HIVEP3: variants seen among roughly 807,000 people sequenced by gnomAD.
HIVEP3 encodes transcription factor HIVEP3.
HIVEP3 carries 49 observed loss-of-function variants against 152.8 expected under a neutral mutation model. The ratio of observed to expected loss-of-function variants is 0.32; its 90% CI spans 0.26 to 0.41. HIVEP3 has a LOEUF of 0.41. Ranked by LOEUF, HIVEP3 falls within the 10% of genes least tolerant of loss-of-function variation. HIVEP3 has a pLI of 1.00. For synonymous variants in HIVEP3, 1,269 were observed against 1,289.0 expected (o/e 0.98, Z 0.33); for missense variants, 2,790 against 3,103.3 (o/e 0.90, Z 2.40).
intron 1 of HIVEP3, among the ~76,000 whole-genome samples, chr1:41,748,039 G>T (rs999756587): frequency 1.3e-5 from 2 of 152,194 alleles, no homozygotes; most frequent in South Asian, 2.1e-4. Context: ...TTGAGTTAAG[G>T]CCAGGGCAGG....
intron 5 of HIVEP3, among the ~76,000 whole-genome samples, chr1:41,571,279 G>C (rs749171171): frequency 6.6e-6 from 1 of 152,176 alleles, no homozygotes; most frequent in Non-Finnish European, 1.5e-5. Flanking sequence ...AGCTTTCCTT[G>C]CAATAAGTGA....
rs752224817 is a variant in HIVEP3 at position 41,583,101 on chromosome 1, T to C, written c.1697A>G (p.His566Arg). Residue 566 changes from histidine (H) to arginine (R), a missense_variant, in exon 4 of 9, where the codon CAT becomes CGT. Physicochemically the swap from His to Arg is conservative, Grantham distance 29 (BLOSUM62 0). This residue lies in a region of HIVEP3 where 339 missense variants were observed against 327.0 expected (regional missense o/e 1.04). Coordinates refer to ENST00000372583, the MANE Select transcript of HIVEP3 (RefSeq NM_024503.5). The surrounding 1 kb of genome is among the most constrained non-coding windows in gnomAD (Gnocchi z 6.9). ...GCTCAGGGCTTCGGAGTCGGTGATA[T>C]GGTCATCGAAGGAGTAGCTACCTCG... ...PFRGSYSFDD[H>R]ITDSEALSHS... 1.2e-6 allele frequency: 2 copies of C among 1,613,008 alleles called. No individual in the cohort carries two copies. Among genetic ancestry groups the C allele is most frequent in the Non-Finnish European group, 1.7e-6 (2 of 1,179,776 alleles).
chr1:41,686,071 GTTTTGTTTTGTTTTT>G (rs1344841187), intron 2 of HIVEP3, among the ~76,000 whole-genome samples: 1 of 150,370 alleles, frequency 6.7e-6, no homozygotes, highest in African/African-American at 2.5e-5. Context: ...GTTTTGTTTT[GTTTTGTTTTGTTTTT>G]TTTGAGATGG....
At chr1:41,676,699 G>GC (rs1460073856) in intron 2 of HIVEP3, among the ~76,000 whole-genome samples, 2 of 152,050 alleles carry the variant, frequency 1.3e-5, no homozygotes, top group East Asian at 1.9e-4. Flanking sequence ...TCAGGAAACT[G>GC]CCCCCCAACT....
At chr1:41,801,107 C>T (rs1223192616) in intron 1 of HIVEP3, among the ~76,000 whole-genome samples, 1 of 152,084 alleles carries the variant, frequency 6.6e-6, no homozygotes, top group Non-Finnish European at 1.5e-5. Context: ...GCAGTGTAAC[C>T]GTGGGCTTAT....
intron 2 of HIVEP3, among the ~76,000 whole-genome samples, chr1:41,650,816 T>C (rs895700720): frequency 5.3e-5 from 8 of 152,354 alleles, no homozygotes; most frequent in Middle Eastern, 3.4e-3. Flanking sequence ...GAATACATTC[T>C]GAATATCCTC....
intron 2 of HIVEP3, among the ~76,000 whole-genome samples, chr1:41,696,323 C>A (rs562245974): frequency 6.6e-6 from 1 of 152,372 alleles, no homozygotes; most frequent in Non-Finnish European, 1.5e-5. Flanking sequence ...CGGGGCGCAG[C>A]CTGCTGGGCC....
intron 5 of HIVEP3, among the ~76,000 whole-genome samples, chr1:41,528,082 C>T (rs676383): frequency 0.36 from 46,334 of 127,086 alleles, 9,734 homozygotes; most frequent in Non-Finnish European, 0.47. Flanking sequence ...ATACCCTTGC[C>T]CTCACACCTT....
At chr1:41,923,855 T>C (rs1410412550), upstream of HIVEP3, among the ~76,000 whole-genome samples, 3 of 152,196 alleles carry the variant, frequency 2.0e-5, no homozygotes, top group South Asian at 2.1e-4. Flanking sequence ...AAGGGAAAGA[T>C]AGGTGTTATG....
chr1:41,799,577 C>T (rs1027513570), intron 1 of HIVEP3, among the ~76,000 whole-genome samples: 3 of 152,188 alleles, frequency 2.0e-5, no homozygotes, highest in Non-Finnish European at 4.4e-5. Flanking sequence ...GCCTGTAAAT[C>T]GTCTTGCTTC....
intron 2 of HIVEP3, among the ~76,000 whole-genome samples, chr1:41,675,887 T>C (rs967514789): frequency 1.2e-4 from 19 of 152,076 alleles, no homozygotes; most frequent in Non-Finnish European, 2.8e-4. Context: ...CCAGGGTGTG[T>C]CCACACGGCC....
In HIVEP3 at chr1:41,910,958, GATGTCCTTTAAAAGAC is replaced by G. The variant is rs1262670330; in HGVS notation, c.-801+7439_-801+7454del. Among the ~76,000 whole-genome samples the G allele has an allele frequency of 3.3e-5, 5 of 152,018 alleles. No individual in the cohort carries two copies. In the East Asian group the frequency reaches 9.6e-4, roughly 29 times the overall value. ...AGACCATACAAGAACTGTCCTTAAG[GATGTCCTTTAAAAGAC>G]ACAAAATGTTCAATGATAAAGGAAA... On this transcript the variant is annotated intron_variant, in intron 1 of 8. Coordinates refer to ENST00000372583, the MANE Select transcript of HIVEP3 (RefSeq NM_024503.5).
intron 1 of HIVEP3, among the ~76,000 whole-genome samples, chr1:41,936,746 G>A (rs1281091856): frequency 6.6e-6 from 1 of 152,130 alleles, no homozygotes; most frequent in Admixed American, 6.6e-5. Flanking sequence ...GGTATTTGTG[G>A]AGTCTGAATT....
At chr1:41,638,932 G>A (rs1414546274) in intron 2 of HIVEP3, among the ~76,000 whole-genome samples, 1 of 152,226 alleles carries the variant, frequency 6.6e-6, no homozygotes, top group Non-Finnish European at 1.5e-5. Context: ...GGAGGCAGGG[G>A]GGCTTTGGAC....
intron 1 of HIVEP3, among the ~76,000 whole-genome samples, chr1:41,966,116 A>G (rs1162805100): frequency 1.3e-5 from 2 of 152,232 alleles, no homozygotes; most frequent in Non-Finnish European, 1.5e-5. Flanking sequence ...AGAATTTCGT[A>G]TCTTTCCAAA....
chr1:42,008,113 A>C (rs1391544921), intron 1 of HIVEP3, among the ~76,000 whole-genome samples: 2 of 151,600 alleles, frequency 1.3e-5, no homozygotes, highest in African/African-American at 2.4e-5. Context: ...ACTCTAAAAC[A>C]TAAAAACTAG....
intron 1 of HIVEP3, among the ~76,000 whole-genome samples, chr1:41,740,802 C>T (rs2668939): frequency 0.12 from 17,585 of 152,238 alleles, 2,748 homozygotes; most frequent in African/African-American, 0.35. Flanking sequence ...CCTGGCTCTA[C>T]CATTCATCCA....
chr1:41,607,689 T>C (rs1269352532), intron 3 of HIVEP3, among the ~76,000 whole-genome samples: 1 of 152,192 alleles, frequency 6.6e-6, no homozygotes. Context: ...TATTTATGAA[T>C]GAGGGATTAT....
rs372688519 is a variant in HIVEP3, at chr1:41,511,270, G to A, written c.6406-4C>T. On this transcript the variant is annotated splice_polypyrimidine_tract_variant and splice_region_variant and intron_variant, in intron 8 of 8. Coordinates refer to ENST00000372583, the MANE Select transcript of HIVEP3 (RefSeq NM_024503.5). This position sits in a 1 kb window ranked among gnomAD's most constrained non-coding sequence, Gnocchi z 4.9. ...GACTTCGGGACTCGGCCTTCTGCTGGGGTCAGAAAACAAGACAAGGTAAGG... is the reference window on the plus strand; with the variant it reads ...GACTTCGGGACTCGGCCTTCTGCTGAGGTCAGAAAACAAGACAAGGTAAGG... 15 of 1,591,402 alleles carry A rather than the reference G, an allele frequency of 9.4e-6. No individual in the cohort carries two copies. The African/African-American group carries it at 1.6e-4, about 17-fold the overall frequency.
Sources: gnomAD v4.1 joint callset for allele counts (sites outside exome capture counted in the v4.1 genomes callset) on GRCh38, gnomAD v4.1.1 for gene constraint, gnomAD v4.1.1 regional missense constraint, Gnocchi (gnomAD v3.1) non-coding constraint, MANE v1.5 for transcripts, NCBI Gene and HGNC (gene_info 2026-07-23, HGNC 2026-07-21) for gene names.